The following ATP11B variants were observed in gnomAD, a reference collection of about 807,000 sequenced individuals.
ATP11B encodes the protein ATPase phospholipid transporting 11B (putative).
ATP11B carries 81 observed loss-of-function variants against 157.8 expected under a neutral mutation model. That is an observed-to-expected ratio of 0.51 (90% CI 0.43 to 0.62). ATP11B has a LOEUF of 0.62. Ranked by LOEUF, ATP11B falls within the 20% of genes least tolerant of loss-of-function variation. The pLI is 0.00. For missense variants in ATP11B, 1,165 were observed against 1,402.2 expected (o/e 0.83, Z 2.70); for synonymous variants, 451 against 469.4 (o/e 0.96, Z 0.51).
At position 182,858,024 on chromosome 3, in the gene ATP11B, G is replaced by A. The variant is rs760404896; in HGVS notation, c.998G>A (p.Ser333Asn). ...NQKTEHQRNSSKILRFISDFL... is the reference protein window; with the variant it reads ...NQKTEHQRNSNKILRFISDFL... ...AAAACAGAACATCAAAGAAATAGCAGTAAGGTATTTTATGGTGTTATTGAC... is the reference window on the plus strand; with the variant it reads ...AAAACAGAACATCAAAGAAATAGCAATAAGGTATTTTATGGTGTTATTGAC... Residue 333 changes from serine (S) to asparagine (N), a missense_variant, in exon 11 of 30, where the codon AGT becomes AAT. Physicochemically the swap from Ser to Asn is conservative, Grantham distance 46. Transcript: ENST00000323116. 5.6e-6 allele frequency: 9 copies of A among 1,609,510 alleles called. No individual in the cohort carries two copies.
At chr3:182,891,182 A>G (rs1198374237) in intron 25 of ATP11B, among the ~76,000 whole-genome samples, 1 of 152,248 alleles carries the variant, frequency 6.6e-6, no homozygotes, top group Non-Finnish European at 1.5e-5. Context: ...TTCCACCTGA[A>G]ATAGTGGGGT....
chr3:182,842,052 T>C lies in ATP11B; in HGVS notation c.657-23T>C, dbSNP rs769062591. On this transcript the variant is annotated intron_variant, in intron 7 of 29. Transcript: ENST00000323116. ...ATGTCATAAGTGATATTATATGTTT[T>C]TGTAATGTGAATTTTTTGATAGATT... 27 of 1,559,102 alleles carry C rather than the reference T, an allele frequency of 1.7e-5. No individual in the cohort carries two copies. The East Asian group carries it at 5.8e-4, about 34-fold the overall frequency.
At chr3:182,829,555 A>G in intron 3 of ATP11B, 117 bp from the exon 4 acceptor site, 1 of 716,734 alleles carries the variant, frequency 1.4e-6, no homozygotes, top group East Asian at 2.9e-5. Context: ...AACAAAGTGA[A>G]GTTGTGAAAT....
At position 182,909,114 on chromosome 3, in the gene ATP11B, A is replaced by G. The variant is rs1046721142; in HGVS notation, c.3319-4747A>G. On this transcript the variant is annotated intron_variant, in intron 28 of 29. Coordinates refer to ENST00000323116, the MANE Select transcript of ATP11B (RefSeq NM_014616.3). The stretch of plus-strand genomic sequence containing the variant: ...TAGAAATGTGAGACATTTTTCTAAA[A>G]TTTATAAGATTTAAGGAAGGTTGTA... Among the ~76,000 whole-genome samples, 17 of 152,242 alleles carry G rather than the reference A, an allele frequency of 1.1e-4. 1 individual carries two copies. The highest frequency in any genetic ancestry group is 3.1e-4 in the African/African-American group (13 of 41,472).
intron 2 of ATP11B, among the ~76,000 whole-genome samples, chr3:182,820,855 G>A (rs1717294018): frequency 1.3e-5 from 2 of 152,074 alleles, no homozygotes; most frequent in Non-Finnish European, 2.9e-5. Flanking sequence ...TAGCCCACAT[G>A]CCAAAAAATT....
intron 3 of ATP11B, among the ~76,000 whole-genome samples, chr3:182,828,671 C>T (rs1717894708): frequency 1.3e-5 from 2 of 149,462 alleles, no homozygotes. Context: ...TTTAAGTATC[C>T]CTGTGGGTGA....
At chr3:182,855,184 G>T (rs541020446) in intron 10 of ATP11B, among the ~76,000 whole-genome samples, 1 of 152,272 alleles carries the variant, frequency 6.6e-6, no homozygotes, top group South Asian at 2.1e-4. Context: ...AGACAATTTG[G>T]TGTTGGTTAA....
intron 4 of ATP11B, 44 bp downstream of exon 4, chr3:182,829,796 G>C (rs201042105): frequency 1.4e-6 from 2 of 1,472,212 alleles, no homozygotes; most frequent in East Asian, 4.7e-5. Context: ...AAGTCATTTA[G>C]AAGTTGCTAA....
intron 14 of ATP11B, among the ~76,000 whole-genome samples, chr3:182,866,927 A>ACT (rs1721282739): frequency 1.1e-5 from 1 of 91,450 alleles, no homozygotes; most frequent in Non-Finnish European, 2.9e-5. Context: ...TAAAATATAT[A>ACT]TATATTTTTT....
intron 19 of ATP11B, among the ~76,000 whole-genome samples, chr3:182,877,964 A>G (rs967287073): frequency 1.3e-5 from 2 of 152,114 alleles, no homozygotes; most frequent in African/African-American, 4.8e-5. Flanking sequence ...GCTCTGTCCC[A>G]CTCTTGACTG....
At chr3:182,870,626 G>C (rs1057395141) in intron 17 of ATP11B, among the ~76,000 whole-genome samples, 4 of 152,212 alleles carry the variant, frequency 2.6e-5, no homozygotes, top group African/African-American at 9.7e-5. Flanking sequence ...ATTAAAAGAA[G>C]CACATTTATA....
At chr3:182,914,916 T>A (rs1030922158) in intron 29 of ATP11B, 4 of 985,328 alleles carry the variant, frequency 4.1e-6, no homozygotes, top group Admixed American at 1.2e-4. Context: ...TGCATGGAGG[T>A]ACAAATGGGC....
Position 182,872,490 on chromosome 3 carries a change from C to T in ATP11B, c.2001C>T (p.Phe667=), listed in dbSNP as rs1258663747. ...AGAAATTGGCAGCTGTTTTCCAGTT[C>T]ATAGAGAAAGACCTGATATTACTTG... ...REEKLAAVFQ[F]IEKDLILLGA... The change falls in exon 18 of 30, where the codon TTC becomes TTT. Residue 667 remains phenylalanine (F), a synonymous_variant. Coordinates refer to ENST00000323116, the MANE Select transcript of ATP11B (RefSeq NM_014616.3). The T allele has an allele frequency of 6.2e-7, 1 of 1,614,054 alleles. No individual in the cohort carries two copies. Among genetic ancestry groups the T allele is most frequent in the East Asian group, 2.2e-5 (1 of 44,880 alleles).
At chr3:182,838,640 A>G in intron 7 of ATP11B, among the ~76,000 whole-genome samples, 2 of 152,030 alleles carry the variant, frequency 1.3e-5, no homozygotes, top group East Asian at 3.9e-4. Flanking sequence ...ATTGTTTAGC[A>G]TCTGTGTGCT....
chr3:182,864,567 A>AT (rs1309266004), intron 12 of ATP11B, among the ~76,000 whole-genome samples: 1 of 152,080 alleles, frequency 6.6e-6, no homozygotes, highest in Non-Finnish European at 1.5e-5. Context: ...GATTACATTA[A>AT]TTTTTTTAAG....
chr3:182,889,641 G>A lies in ATP11B; in HGVS notation c.2982+93G>A, dbSNP rs1025113459. ...AAAGTAAAATTTAATTTAAATTACAGAACTTCAAGTATTAAAATGCAAATA... is the reference window on the plus strand; with the variant it reads ...AAAGTAAAATTTAATTTAAATTACAAAACTTCAAGTATTAAAATGCAAATA... On this transcript the variant is annotated intron_variant, in intron 25 of 29. Coordinates refer to ENST00000323116, the MANE Select transcript of ATP11B (RefSeq NM_014616.3). The A allele has an allele frequency of 1.3e-5, 15 of 1,117,654 alleles. 1 individual carries two copies. The highest frequency in any genetic ancestry group is 6.0e-5 in the East Asian group (2 of 33,596). 69.2% of individuals were successfully genotyped at this position (1,117,654 alleles called of 1,614,324 possible). A position where few individuals can be genotyped will look rare whatever the true frequency, so the allele number is the denominator to read the frequency against.
At chr3:182,843,569 C>G (rs1719223138) in intron 8 of ATP11B, 1 of 152,140 alleles carries the variant, frequency 6.6e-6, no homozygotes, top group Non-Finnish European at 1.5e-5. Context: ...TTGGTTGTTT[C>G]AGATTGTTTT....
chr3:182,916,494 C>T, intron 29 of ATP11B: 2 of 985,278 alleles, frequency 2.0e-6, no homozygotes, highest in Non-Finnish European at 2.4e-6. Context: ...ATTGCAAGCT[C>T]AGTTTCAAAG....
At chr3:182,857,459 A>G (rs1242653008) in intron 10 of ATP11B, among the ~76,000 whole-genome samples, 5 of 152,034 alleles carry the variant, frequency 3.3e-5, no homozygotes, top group Admixed American at 3.3e-4. Context: ...CAGGGTTTTC[A>G]TATAGATTAG....
Sources: allele counts gnomAD v4.1 joint callset (sites outside exome capture counted in the v4.1 genomes callset), GRCh38; gene constraint gnomAD v4.1.1; transcripts MANE v1.5; gene names NCBI Gene and HGNC (gene_info 2026-07-23, HGNC 2026-07-21).